Variants in ZNF678 observed in about 807,000 individuals in gnomAD.
The protein encoded by ZNF678 is hypothetical protein MGC42493.
A neutral mutation model predicts 3.0 loss-of-function variants in ZNF678; 5 were observed. The ratio of observed to expected loss-of-function variants is 1.69; its 90% CI spans 0.88 to 3.56. The LOEUF (loss-of-function observed/expected upper bound fraction) is 3.56. Ranked by LOEUF, ZNF678 falls within the 30% of genes most tolerant of loss-of-function variation. The pLI, the probability that ZNF678 is intolerant of heterozygous loss-of-function variation, is 0.00. For synonymous variants in ZNF678, 218 were observed against 199.6 expected (o/e 1.09, Z -0.78); for missense variants, 593 against 605.0 (o/e 0.98, Z 0.21).
At chr1:227,677,128 A>G (rs1256760454) in intron 5 of ZNF678, 1 of 152,168 alleles carries the variant, frequency 6.6e-6, no homozygotes, top group Non-Finnish European at 1.5e-5. Flanking sequence ...ACTAGAATCA[A>G]TTCTTAAGTA....
chr1:227,641,104 A>G (rs751808940), intron 1 of ZNF678, among the ~76,000 whole-genome samples: 1 of 152,248 alleles, frequency 6.6e-6, no homozygotes, highest in Non-Finnish European at 1.5e-5. Flanking sequence ...ACCGATGTGC[A>G]TGCAGAGAGA....
intron 1 of ZNF678, among the ~76,000 whole-genome samples, chr1:227,594,427 T>C (rs947616354): frequency 6.6e-6 from 1 of 152,198 alleles, no homozygotes; most frequent in African/African-American, 2.4e-5. Context: ...GGTTGGTGCT[T>C]TAAGAAAAAC....
At chr1:227,634,886 G>C (rs1007813321) in intron 1 of ZNF678, among the ~76,000 whole-genome samples, 1 of 152,154 alleles carries the variant, frequency 6.6e-6, no homozygotes, top group Non-Finnish European at 1.5e-5. Flanking sequence ...GTAGTAGCCA[G>C]GGAGTGGTTC....
At chr1:227,623,081 A>G (rs945613477) in intron 1 of ZNF678, among the ~76,000 whole-genome samples, 9 of 152,244 alleles carry the variant, frequency 5.9e-5, no homozygotes, top group African/African-American at 1.9e-4. Context: ...ACACACATTC[A>G]TAATAGTGGC....
intron 1 of ZNF678, 97 bp downstream of exon 1, chr1:227,563,821 A>G: frequency 8.6e-7 from 1 of 1,160,220 alleles, no homozygotes; most frequent in Non-Finnish European, 1.2e-6. Flanking sequence ...CACCTGTGGG[A>G]TCTGTCACCT....
chr1:227,604,110 A>G (rs530214202), intron 1 of ZNF678, among the ~76,000 whole-genome samples: 1 of 152,200 alleles, frequency 6.6e-6, no homozygotes, highest in African/African-American at 2.4e-5. Flanking sequence ...GAGTATTTCC[A>G]TTTTTCATAT....
Position 227,637,410 on chromosome 1 carries a change from T to TA in ZNF678, c.-163-9133dup, listed in dbSNP as rs1190114015. Among the ~76,000 whole-genome samples the TA allele has an allele frequency of 4.6e-3, 696 of 152,184 alleles. 6 individuals are homozygous for TA. The highest frequency in any genetic ancestry group is 6.5e-3 in the Non-Finnish European group (443 of 67,992). On this transcript the variant is annotated intron_variant, in intron 1 of 3. Transcript: ENST00000343776. ...AAACTGTTAGGTTGGCATGGAGAGA[T>TA]AGTTTTAGGCTTTCAAGGGTGAGGA...
At chr1:227,627,141 G>C (rs1182317754) in intron 1 of ZNF678, among the ~76,000 whole-genome samples, 1 of 151,000 alleles carries the variant, frequency 6.6e-6, no homozygotes, top group South Asian at 2.1e-4. Context: ...CTAACTGTCT[G>C]CTTGATAGTT....
chr1:227,649,262 C>T (rs932111274), intron 2 of ZNF678, among the ~76,000 whole-genome samples: 5 of 152,132 alleles, frequency 3.3e-5, no homozygotes, highest in African/African-American at 1.2e-4. Context: ...GTATCTTTTT[C>T]TAAGAGCCTT....
intron 1 of ZNF678, among the ~76,000 whole-genome samples, chr1:227,611,088 C>A (rs757113336): frequency 6.6e-6 from 1 of 152,196 alleles, no homozygotes; most frequent in Non-Finnish European, 1.5e-5. Flanking sequence ...AATTCAGGTG[C>A]AGTTCACTTT....
chr1:227,617,715 G>C (rs1291449172), intron 1 of ZNF678, among the ~76,000 whole-genome samples: 1 of 152,184 alleles, frequency 6.6e-6, no homozygotes, highest in Non-Finnish European at 1.5e-5. Context: ...GATTTGGAAG[G>C]AACATGATTG....
At chr1:227,608,552 A>G (rs1323004030) in intron 1 of ZNF678, among the ~76,000 whole-genome samples, 2 of 152,214 alleles carry the variant, frequency 1.3e-5, no homozygotes, top group East Asian at 1.9e-4. Flanking sequence ...TTACTAATAT[A>G]TGGTACACTG....
chr1:227,599,162 A>G (rs1657670640), intron 1 of ZNF678: 1 of 1,275,348 alleles, frequency 7.8e-7, no homozygotes, highest in Non-Finnish European at 1.1e-6. Context: ...CCAGTTCTAG[A>G]ATCATTTTCT....
At chr1:227,577,718 G>A (rs927600888) in intron 1 of ZNF678, among the ~76,000 whole-genome samples, 1 of 152,046 alleles carries the variant, frequency 6.6e-6, no homozygotes, top group African/African-American at 2.4e-5. Context: ...TTTTATTGGG[G>A]CATTTAGTCC....
At chr1:227,582,677 C>G (rs1465140422) in intron 1 of ZNF678, 1 of 159,760 alleles carries the variant, frequency 6.3e-6, no homozygotes, top group Non-Finnish European at 1.4e-5. Context: ...ATATGTCACT[C>G]TTATGTTTTC....
At chr1:227,589,978 TC>T (rs1657367970) in intron 1 of ZNF678, among the ~76,000 whole-genome samples, 1 of 151,818 alleles carries the variant, frequency 6.6e-6, no homozygotes, top group Non-Finnish European at 1.5e-5. Context: ...ATCTTTACCA[TC>T]TGTGTCTCCC....
intron 1 of ZNF678, among the ~76,000 whole-genome samples, chr1:227,574,117 A>G (rs1000398161): frequency 2.6e-4 from 39 of 152,330 alleles, no homozygotes; most frequent in African/African-American, 8.2e-4. Context: ...AATTGTGAAT[A>G]GTGCTGCAGT....
chr1:227,605,365 T>C (rs556978172), intron 1 of ZNF678, among the ~76,000 whole-genome samples: 4 of 152,226 alleles, frequency 2.6e-5, no homozygotes, highest in African/African-American at 4.8e-5. Context: ...CTTTTATATA[T>C]GAAATAATGT....
intron 1 of ZNF678, among the ~76,000 whole-genome samples, chr1:227,580,861 C>T (rs374854708): frequency 5.9e-5 from 9 of 151,434 alleles, no homozygotes; most frequent in East Asian, 3.9e-4. Flanking sequence ...ACTTGGGAAG[C>T]GGAGGTTGCA....
Sources: allele counts gnomAD v4.1 joint callset (sites outside exome capture counted in the v4.1 genomes callset), GRCh38; gene constraint gnomAD v4.1.1; transcripts MANE v1.5; gene names NCBI Gene and HGNC (gene_info 2026-07-23, HGNC 2026-07-21).